Variants in COL23A1 observed in about 807,000 individuals in gnomAD.
The protein encoded by COL23A1 is collagen type XXIII alpha 1 chain.
Under a neutral mutation model 99.3 loss-of-function variants are expected in COL23A1, and 97 were observed. The observed-to-expected ratio is 0.98, with a 90% CI of 0.83 to 1.16. The LOEUF (loss-of-function observed/expected upper bound fraction) is 1.16, where lower values mean the gene tolerates loss of function less well. Ranked by LOEUF, COL23A1 falls within the 50% of genes most tolerant of loss-of-function variation. The probability of loss-of-function intolerance (pLI) is 0.00; values close to 1 mark genes in which losing one functional copy is unlikely to be tolerated. For synonymous variants in COL23A1, 320 were observed against 308.2 expected (o/e 1.04, Z -0.40); for missense variants, 762 against 757.4 (o/e 1.01, Z -0.07).
rs965541705 is a variant in COL23A1 at position 178,378,424 on chromosome 5, G to A, written c.362-71505C>T. Among the ~76,000 whole-genome samples, 11 of 152,210 alleles carry A rather than the reference G, an allele frequency of 7.2e-5. 2 individuals carry two copies. The highest frequency in any genetic ancestry group is 5.2e-4 in the Admixed American group (8 of 15,290). On this transcript the variant is annotated intron_variant, in intron 2 of 28. Coordinates refer to ENST00000390654, the MANE Select transcript of COL23A1 (RefSeq NM_173465.4). ...CCGGTATGGGACCTGTACTTCTGCC[G>A]CTGACTGGAGGGAGTGGCAAGAAGG... is the stretch of plus-strand genomic sequence containing the variant.
Position 178,509,283 on chromosome 5 carries a change from G to A in COL23A1, c.361+51399C>T, listed in dbSNP as rs560759951. Reference sequence around the variant, plus strand: ...GTTGCCCAGGCTGGAGTGCAGTGACGCAATCTCAGCTCACTGCAACCTCTG... The same window carrying A: ...GTTGCCCAGGCTGGAGTGCAGTGACACAATCTCAGCTCACTGCAACCTCTG... On this transcript the variant is annotated intron_variant, in intron 2 of 28. Transcript: ENST00000390654. Among the ~76,000 whole-genome samples, 314 of 151,574 alleles carry A rather than the reference G, an allele frequency of 2.1e-3. 2 individuals carry two copies. Among genetic ancestry groups the A allele is most frequent in the Non-Finnish European group, 3.6e-3 (244 of 67,898 alleles).
chr5:178,292,181 C>T (rs1757496979), intron 3 of COL23A1, among the ~76,000 whole-genome samples: 1 of 152,046 alleles, frequency 6.6e-6, no homozygotes, highest in African/African-American at 2.4e-5. Context: ...TTCCACCTGC[C>T]CCTCCTCCTC....
At chr5:178,270,461 A>G (rs1756224873) in intron 5 of COL23A1, 98 bp from the exon 6 acceptor site, 3 of 1,411,378 alleles carry the variant, frequency 2.1e-6, no homozygotes, top group Admixed American at 1.9e-5. Flanking sequence ...AAGAAAACAA[A>G]GCCTGTGGGA....
intron 2 of COL23A1, among the ~76,000 whole-genome samples, chr5:178,445,777 A>T (rs1330750305): frequency 2.6e-5 from 4 of 152,168 alleles, no homozygotes; most frequent in African/African-American, 4.8e-5. Flanking sequence ...ATATGACACC[A>T]AAGACAGATG....
intron 2 of COL23A1, among the ~76,000 whole-genome samples, chr5:178,521,800 G>A (rs1441318873): frequency 1.3e-5 from 2 of 152,136 alleles, no homozygotes; most frequent in Non-Finnish European, 2.9e-5. Context: ...TCTAGTCTAG[G>A]CACAGTCACA....
intron 2 of COL23A1, among the ~76,000 whole-genome samples, chr5:178,488,260 C>G (rs1757739109): frequency 6.6e-6 from 1 of 152,128 alleles, no homozygotes; most frequent in Non-Finnish European, 1.5e-5. Context: ...GACATAAACC[C>G]AAGAAAAGCC....
At chr5:178,467,912 G>A (rs1756508970) in intron 2 of COL23A1, among the ~76,000 whole-genome samples, 1 of 152,196 alleles carries the variant, frequency 6.6e-6, no homozygotes, top group African/African-American at 2.4e-5. Context: ...AGTGACAAAG[G>A]GAAACTGCAG....
chr5:178,577,672 C>G (rs1008364480), intron 1 of COL23A1, among the ~76,000 whole-genome samples: 2 of 152,230 alleles, frequency 1.3e-5, no homozygotes, highest in Non-Finnish European at 2.9e-5. Context: ...GTCAAGGGGG[C>G]TCCTCTGGCC....
Position 178,365,167 on chromosome 5 carries a change from GTGTGATAA to G in COL23A1, c.362-58256_362-58249del, listed in dbSNP as rs1367499601. Among the ~76,000 whole-genome samples the G allele has an allele frequency of 6.6e-6, 1 of 150,634 alleles. No individual in the cohort carries two copies. The highest frequency in any genetic ancestry group is 1.5e-5 in the Non-Finnish European group (1 of 67,886). Reference sequence around the variant, plus strand: ...TGTGTGTGTGTGTGTGTGTGTGTGTGTGTGATAAATAAGCAAAATTGTTTTCCTGGGAC... The same window carrying G: ...TGTGTGTGTGTGTGTGTGTGTGTGTGATAAGCAAAATTGTTTTCCTGGGAC... On this transcript the variant is annotated intron_variant, in intron 2 of 28. Transcript: ENST00000390654. This position sits in a 1 kb window ranked among gnomAD's most constrained non-coding sequence, Gnocchi z 5.2.
intron 1 of COL23A1, among the ~76,000 whole-genome samples, chr5:178,576,026 T>A (rs977070061): frequency 3.3e-5 from 5 of 152,220 alleles, no homozygotes; most frequent in African/African-American, 9.6e-5. Flanking sequence ...CGAGAGGGGC[T>A]CGGTCACGAA....
intron 2 of COL23A1, among the ~76,000 whole-genome samples, chr5:178,360,152 T>C (rs1361381188): frequency 6.6e-6 from 1 of 152,128 alleles, no homozygotes. Flanking sequence ...TAGCCTCTCC[T>C]GCCCAGAAGT....
At position 178,306,768 on chromosome 5, in the gene COL23A1, A is replaced by C; in HGVS notation, c.406+107T>G. The C allele has an allele frequency of 1.2e-6, 1 of 802,838 alleles. No individual in the cohort carries two copies. Among genetic ancestry groups the C allele is most frequent in the African/African-American group, 1.8e-5 (1 of 54,818 alleles). The allele number at this position is 802,838 out of a possible 1,614,324, so 49.7% of individuals were successfully genotyped here. On this transcript the variant is annotated intron_variant, in intron 3 of 28. Coordinates refer to ENST00000390654, the MANE Select transcript of COL23A1 (RefSeq NM_173465.4). The surrounding 1 kb of genome is among the most constrained non-coding windows in gnomAD (Gnocchi z 4.1). ...GGGGAGGAGCACCTGCCCAGGACCA[A>C]GGCATGACTCAGGGTGGGCAGCAGG...
At chr5:178,247,405 G>T in intron 22 of COL23A1, 121 bp downstream of exon 22, 1 of 1,144,232 alleles carries the variant, frequency 8.7e-7, no homozygotes. Flanking sequence ...TCAGGCGCTG[G>T]GAAGACTCAG....
At position 178,308,805 on chromosome 5, in the gene COL23A1, T is replaced by C. The variant is rs560611048; in HGVS notation, c.362-1886A>G. On this transcript the variant is annotated intron_variant, in intron 2 of 28. Coordinates refer to ENST00000390654, the MANE Select transcript of COL23A1 (RefSeq NM_173465.4). This position sits in a 1 kb window ranked among gnomAD's most constrained non-coding sequence, Gnocchi z 5.1. ...CCTGGTTATTAACTAAGCCCCAGGT[T>C]TGGGGGGCAGGTCAGCACTCTCGGG... Among the ~76,000 whole-genome samples the C allele has an allele frequency of 1.2e-3, 165 of 141,388 alleles. No individual in the cohort carries two copies. Among genetic ancestry groups the C allele is most frequent in the African/African-American group, 4.2e-3 (158 of 37,624 alleles). 92.8% of individuals were successfully genotyped at this position (141,388 alleles called of 152,430 possible). A position where few individuals can be genotyped will look rare whatever the true frequency, so the allele number is the denominator to read the frequency against.
At position 178,247,802 on chromosome 5, in the gene COL23A1, AG is replaced by A; in HGVS notation, c.1241del (p.Pro414LeufsTer66). ...LAQLIVEPGP[P>X]GPPGPPGPMG... ...TCGGGCCTGGGGGGCCAGGGGGGCC[AG>A]GGGGCCCTGGCTCCACTATGAGCTG... On this transcript the variant is annotated frameshift_variant, in exon 21 of 29. Coordinates refer to ENST00000390654, the MANE Select transcript of COL23A1 (RefSeq NM_173465.4). LOFTEE classifies it high-confidence loss of function. The A allele has an allele frequency of 6.2e-7, 1 of 1,613,446 alleles. No individual in the cohort carries two copies. The highest frequency in any genetic ancestry group is 8.5e-7 in the Non-Finnish European group (1 of 1,179,684).
intron 2 of COL23A1, among the ~76,000 whole-genome samples, chr5:178,521,320 A>C (rs1759928745): frequency 6.6e-6 from 1 of 151,990 alleles, no homozygotes; most frequent in South Asian, 2.1e-4. Flanking sequence ...TTGGGAGGCC[A>C]AGGCAGGTGG....
At chr5:178,536,199 G>A (rs1760929237) in intron 2 of COL23A1, among the ~76,000 whole-genome samples, 1 of 152,368 alleles carries the variant, frequency 6.6e-6, no homozygotes, top group African/African-American at 2.4e-5. Flanking sequence ...CCTCGGCTGG[G>A]GACGCGGCTC....
chr5:178,574,060 T>C (rs1419414437), intron 1 of COL23A1, among the ~76,000 whole-genome samples: 2 of 152,166 alleles, frequency 1.3e-5, no homozygotes. Context: ...GGTTTCACCA[T>C]GTTGACCAGG....
rs1761482187 is a variant in COL23A1, at chr5:178,544,646, G to A, written c.361+16036C>T. ...CGGCCTCTATCCCCACTGTGAGACG[G>A]GCGGTGCCACAAATGGGAGGTGACG... On this transcript the variant is annotated intron_variant, in intron 2 of 28. Transcript: ENST00000390654. This position sits in a 1 kb window ranked among gnomAD's most constrained non-coding sequence, Gnocchi z 4.4. Among the ~76,000 whole-genome samples the A allele has an allele frequency of 6.6e-6, 1 of 152,192 alleles. No homozygotes were observed. Among genetic ancestry groups the A allele is most frequent in the East Asian group, 1.9e-4 (1 of 5,178 alleles).
Sources: allele counts gnomAD v4.1 joint callset (sites outside exome capture counted in the v4.1 genomes callset), GRCh38; gene constraint gnomAD v4.1.1; non-coding constraint Gnocchi (gnomAD v3.1); transcripts MANE v1.5; gene names NCBI Gene and HGNC (gene_info 2026-07-23, HGNC 2026-07-21).